Variants in TBC1D5 observed in about 807,000 individuals in gnomAD.
TBC1D5 encodes TBC1 domain family, member 5.
Under a neutral mutation model 100.3 loss-of-function variants are expected in TBC1D5, and 75 were observed. That is an observed-to-expected ratio of 0.75 (90% CI 0.62 to 0.91). The LOEUF (loss-of-function observed/expected upper bound fraction) is 0.91. TBC1D5 is among the 40% of genes least tolerant of loss of function. The pLI, the probability that TBC1D5 is intolerant of heterozygous loss-of-function variation, is 0.00. For missense variants in TBC1D5, 910 were observed against 942.4 expected, an observed-to-expected ratio of 0.97 and a Z score of 0.45; for synonymous variants, 323 against 325.6, an observed-to-expected ratio of 0.99 and a Z score of 0.09.
intron 8 of TBC1D5, among the ~76,000 whole-genome samples, chr3:17,397,982 T>C (rs766388025): frequency 6.6e-6 from 1 of 152,180 alleles, no homozygotes; most frequent in South Asian, 2.1e-4. Flanking sequence ...AATGATGTTA[T>C]AGATGCTGCA....
intron 3 of TBC1D5, among the ~76,000 whole-genome samples, chr3:17,467,819 C>T (rs1576177591): frequency 6.6e-6 from 1 of 152,064 alleles, no homozygotes; most frequent in East Asian, 1.9e-4. Context: ...ATTGCTCAAA[C>T]CCGGGAGGCA....
At chr3:17,486,371 T>C (rs1415316974) in intron 3 of TBC1D5, among the ~76,000 whole-genome samples, 2 of 152,242 alleles carry the variant, frequency 1.3e-5, no homozygotes, top group Admixed American at 1.3e-4. Context: ...TTTTGGCTTT[T>C]GTTGCCATTG....
intron 2 of TBC1D5, among the ~76,000 whole-genome samples, chr3:17,591,136 T>C (rs1356274374): frequency 6.9e-6 from 1 of 145,898 alleles, no homozygotes; most frequent in Non-Finnish European, 1.5e-5. Context: ...CTCAGGAGGC[T>C]GAGGCAGGAG....
chr3:17,549,687 T>C (rs900192671), intron 2 of TBC1D5, among the ~76,000 whole-genome samples: 5 of 152,046 alleles, frequency 3.3e-5, no homozygotes, highest in African/African-American at 1.2e-4. Flanking sequence ...TCCCAGCACT[T>C]TGGGAGGCCA....
chr3:17,171,152 G>T (rs1483355807), intron 19 of TBC1D5, among the ~76,000 whole-genome samples: 1 of 152,144 alleles, frequency 6.6e-6, no homozygotes, highest in African/African-American at 2.4e-5. Context: ...GCTTGCAGGG[G>T]TAAGTTGAGA....
At chr3:17,445,969 G>T (rs1293427988) in intron 3 of TBC1D5, among the ~76,000 whole-genome samples, 2 of 152,142 alleles carry the variant, frequency 1.3e-5, no homozygotes, top group African/African-American at 4.8e-5. Flanking sequence ...GAAGGATCCT[G>T]GAGTCAGGGC....
chr3:17,300,190 T>TCA (rs2082687454), intron 14 of TBC1D5, among the ~76,000 whole-genome samples: 1 of 152,128 alleles, frequency 6.6e-6, no homozygotes, highest in Non-Finnish European at 1.5e-5. Flanking sequence ...TCTGATATAA[T>TCA]CATAAAAACA....
chr3:17,542,025 T>C (rs762189996), intron 2 of TBC1D5, among the ~76,000 whole-genome samples: 6 of 152,218 alleles, frequency 3.9e-5, no homozygotes, highest in Non-Finnish European at 7.3e-5. Context: ...TGGTAGCTCA[T>C]GCCTGTAATC....
intron 2 of TBC1D5, among the ~76,000 whole-genome samples, chr3:17,620,477 T>C (rs532733102): frequency 6.6e-6 from 1 of 152,290 alleles, no homozygotes; most frequent in Admixed American, 6.5e-5. Flanking sequence ...CAAAAACGAA[T>C]GAGGAAAATC....
At position 17,208,040 on chromosome 3, in the gene TBC1D5, T is replaced by C. The variant is rs536406387; in HGVS notation, c.1752+6167A>G. Among the ~76,000 whole-genome samples the C allele has an allele frequency of 2.3e-4, 35 of 152,358 alleles. 1 individual carries two copies. In the South Asian group the frequency reaches 7.2e-3, roughly 32 times the overall value. ...TAAGAAATTTAACTGAAAAGCTATC[T>C]TGAACTTTTTTGAGGATATGGAATA... is the stretch of plus-strand genomic sequence containing the variant. On this transcript the variant is annotated intron_variant, in intron 18 of 21. Coordinates refer to ENST00000253692, the Ensembl canonical transcript of TBC1D5.
intron 13 of TBC1D5, among the ~76,000 whole-genome samples, chr3:17,322,689 C>G (rs2085579482): frequency 2.0e-5 from 3 of 152,110 alleles, no homozygotes; most frequent in African/African-American, 7.2e-5. Context: ...AGAATAATCT[C>G]CAGAAATCTG....
Position 17,203,745 on chromosome 3 carries a change from GATTGTAA to G in TBC1D5, c.1752+10455_1752+10461del, listed in dbSNP as rs1300332021. Among the ~76,000 whole-genome samples, 4 of 152,282 alleles carry G rather than the reference GATTGTAA, an allele frequency of 2.6e-5. No individual in the cohort carries two copies. In the East Asian group the frequency reaches 7.7e-4, roughly 29 times the overall value. ...CAGCCTCTTCTTTGCCTTCCGCCAA[GATTGTAA>G]ATTTCCTGAGGCCTCCCCAGCCATG... On this transcript the variant is annotated intron_variant, in intron 18 of 21. Coordinates refer to ENST00000253692, the Ensembl canonical transcript of TBC1D5.
chr3:17,335,398 TCTC>T (rs1278872245), intron 13 of TBC1D5, among the ~76,000 whole-genome samples: 1 of 152,048 alleles, frequency 6.6e-6, no homozygotes, highest in Non-Finnish European at 1.5e-5. Flanking sequence ...CCCTAAATCA[TCTC>T]CTATCTTTCT....
At chr3:17,554,652 T>C (rs1242297742) in intron 2 of TBC1D5, among the ~76,000 whole-genome samples, 1 of 152,200 alleles carries the variant, frequency 6.6e-6, no homozygotes, top group African/African-American at 2.4e-5. Context: ...AGCACTTTTC[T>C]GCACTTGGGT....
At chr3:17,472,113 C>T (rs1225718812) in intron 3 of TBC1D5, among the ~76,000 whole-genome samples, 1 of 150,328 alleles carries the variant, frequency 6.7e-6, no homozygotes, top group African/African-American at 2.4e-5. Flanking sequence ...TATTTGAAAA[C>T]ATTAAGGTTT....
Position 17,601,853 on chromosome 3 carries a change from C to T in TBC1D5, c.-36+21996G>A, listed in dbSNP as rs141223518. ...TTTTTTATTTTTTATTTTTTGAGAC[C>T]GAGTCTCGCTCTGTTGCCCAGGCTG... On this transcript the variant is annotated intron_variant, in intron 2 of 21. Transcript: ENST00000253692. 4.9e-3 allele frequency among the ~76,000 whole-genome samples: 742 copies of T among 151,688 alleles called. 4 individuals carry two copies. The highest frequency in any genetic ancestry group is 8.4e-3 in the Non-Finnish European group (567 of 67,886).
At position 17,733,450 on chromosome 3, in the gene TBC1D5, A is replaced by G. The variant is rs78010107; in HGVS notation, c.-101+5893T>C. ...ATTTACGCTAAACCACACAGAAAAA[A>G]TCTTCAAGTTCTAAGGAAATAAAAG... On this transcript the variant is annotated intron_variant, in intron 1 of 21. Transcript: ENST00000253692. Among the ~76,000 whole-genome samples the G allele has an allele frequency of 5.3e-3, 814 of 152,284 alleles. 12 individuals are homozygous for G. The highest frequency in any genetic ancestry group is 0.019 in the African/African-American group (782 of 41,552).
chr3:17,539,272 T>C (rs942354515), intron 2 of TBC1D5, among the ~76,000 whole-genome samples: 11 of 152,222 alleles, frequency 7.2e-5, no homozygotes, highest in African/African-American at 9.6e-5. Context: ...GTTCTTATTA[T>C]GCAGATGAAG....
At chr3:17,533,062 C>CACACAT (rs1329309817) in intron 2 of TBC1D5, among the ~76,000 whole-genome samples, 1 of 129,062 alleles carries the variant, frequency 7.7e-6, no homozygotes, top group Non-Finnish European at 1.6e-5. Context: ...GTCACACACA[C>CACACAT]ACACATACAC....
Sources: gnomAD v4.1 joint callset for allele counts (sites outside exome capture counted in the v4.1 genomes callset) on GRCh38, gnomAD v4.1.1 for gene constraint, MANE v1.5 for transcripts, NCBI Gene and HGNC (gene_info 2026-07-23, HGNC 2026-07-21) for gene names.